The following FAM135B variants were observed in gnomAD, a reference collection of about 807,000 sequenced individuals.
FAM135B encodes protein FAM135B.
In FAM135B, 43 loss-of-function variants were observed where a neutral mutation model predicts 127.7. The observed-to-expected ratio is 0.34, with a 90% CI of 0.26 to 0.43. FAM135B has a LOEUF of 0.43. FAM135B is among the 20% of genes least tolerant of loss of function. FAM135B has a pLI of 1.00. For missense variants in FAM135B, 1,558 were observed against 1,725.6 expected, an observed-to-expected ratio of 0.90 and a Z score of 1.72; for synonymous variants, 670 against 665.1, an observed-to-expected ratio of 1.01 and a Z score of -0.11.
At chr8:138,391,737 T>C (rs987783026) in intron 1 of FAM135B, among the ~76,000 whole-genome samples, 3 of 152,094 alleles carry the variant, frequency 2.0e-5, no homozygotes, top group Admixed American at 2.0e-4. Flanking sequence ...CTAAGGTTTG[T>C]ATATAATTAA....
chr8:138,156,123 G>C (rs987737614), intron 12 of FAM135B, among the ~76,000 whole-genome samples: 1 of 152,148 alleles, frequency 6.6e-6, no homozygotes, highest in Admixed American at 6.5e-5. Flanking sequence ...AATCAAATTA[G>C]AACTCAGGAT....
chr8:138,272,679 T>C (rs754597825), intron 3 of FAM135B, among the ~76,000 whole-genome samples: 1 of 152,248 alleles, frequency 6.6e-6, no homozygotes, highest in Non-Finnish European at 1.5e-5. Context: ...TATTGCTCTA[T>C]AATCTCAAAA....
intron 7 of FAM135B, among the ~76,000 whole-genome samples, chr8:138,209,387 G>A (rs191209913): frequency 6.6e-6 from 1 of 152,290 alleles, no homozygotes; most frequent in East Asian, 1.9e-4. Context: ...GATCTTGAAG[G>A]CATAGGTAGA....
At chr8:138,251,940 G>A (rs941876461) in intron 5 of FAM135B, among the ~76,000 whole-genome samples, 3 of 152,162 alleles carry the variant, frequency 2.0e-5, no homozygotes, top group Admixed American at 6.5e-5. Flanking sequence ...CAGAAAGGGC[G>A]AGATGAAGGG....
intron 1 of FAM135B, among the ~76,000 whole-genome samples, chr8:138,431,903 TAAG>T (rs1316834743): frequency 3.3e-5 from 5 of 152,192 alleles, no homozygotes; most frequent in African/African-American, 1.2e-4. Context: ...AGGCCACTCC[TAAG>T]AATGCCTCTC....
intron 1 of FAM135B, among the ~76,000 whole-genome samples, chr8:138,401,846 C>T (rs879821773): frequency 1.3e-5 from 2 of 152,174 alleles, no homozygotes; most frequent in Non-Finnish European, 2.9e-5. Context: ...TTTCTGAGAA[C>T]GGTCTGGCTT....
At chr8:138,194,861 T>C (rs1261525838) in intron 9 of FAM135B, among the ~76,000 whole-genome samples, 2 of 152,208 alleles carry the variant, frequency 1.3e-5, no homozygotes, top group Non-Finnish European at 2.9e-5. Context: ...ACTGTTTTCA[T>C]GATCATCACT....
chr8:138,336,600 T>G (rs1316864433), intron 2 of FAM135B, among the ~76,000 whole-genome samples: 1 of 152,088 alleles, frequency 6.6e-6, no homozygotes, highest in Non-Finnish European at 1.5e-5. Context: ...GGCTCTCAAA[T>G]TGAGGCAATA....
At chr8:138,375,745 T>G (rs1587280197) in intron 1 of FAM135B, among the ~76,000 whole-genome samples, 1 of 152,314 alleles carries the variant, frequency 6.6e-6, no homozygotes, top group African/African-American at 2.4e-5. Context: ...TTCATCATCA[T>G]TATCCAGAAT....
chr8:138,446,839 A>C (rs1383075174), intron 1 of FAM135B, among the ~76,000 whole-genome samples: 1 of 151,830 alleles, frequency 6.6e-6, no homozygotes, highest in Non-Finnish European at 1.5e-5. Flanking sequence ...TCTGCACAGC[A>C]AAAGAAACTA....
chr8:138,208,791 G>T lies in FAM135B; in HGVS notation c.670-11122C>A, dbSNP rs144541269. ...GAATTTCATATGAATCCTTCCACTG[G>T]TGTACTTAAGTGATATTTTATTTAG... On this transcript the variant is annotated intron_variant, in intron 7 of 19. Coordinates refer to ENST00000395297, the MANE Select transcript of FAM135B (RefSeq NM_015912.4). Among the ~76,000 whole-genome samples the T allele has an allele frequency of 6.8e-3, 1,028 of 152,148 alleles. 10 individuals are homozygous for T. The highest frequency in any genetic ancestry group is 7.4e-3 in the Non-Finnish European group (505 of 67,998).
At chr8:138,423,600 A>T (rs1459266518) in intron 1 of FAM135B, among the ~76,000 whole-genome samples, 2 of 152,164 alleles carry the variant, frequency 1.3e-5, no homozygotes, top group African/African-American at 4.8e-5. Flanking sequence ...AGATAATAGA[A>T]TATCACAAGG....
intron 1 of FAM135B, among the ~76,000 whole-genome samples, chr8:138,377,999 C>T (rs1229851395): frequency 1.3e-5 from 2 of 152,210 alleles, no homozygotes; most frequent in Non-Finnish European, 2.9e-5. Context: ...ATCCCCTAAG[C>T]ACTCTTTCTT....
At chr8:138,218,027 C>T (rs964361753) in intron 7 of FAM135B, among the ~76,000 whole-genome samples, 1 of 152,144 alleles carries the variant, frequency 6.6e-6, no homozygotes, top group South Asian at 2.1e-4. Flanking sequence ...ATATTTAACT[C>T]CCACCTCTTC....
intron 12 of FAM135B, among the ~76,000 whole-genome samples, chr8:138,153,948 C>A (rs1818437458): frequency 6.6e-6 from 1 of 152,182 alleles, no homozygotes; most frequent in Admixed American, 6.5e-5. Context: ...GTGGTTCTCC[C>A]AGCACGGAGT....
At chr8:138,387,258 T>G (rs1832274123) in intron 1 of FAM135B, among the ~76,000 whole-genome samples, 1 of 152,304 alleles carries the variant, frequency 6.6e-6, no homozygotes, top group Middle Eastern at 3.4e-3. Context: ...TCTTAAGTCC[T>G]GGCTCTAAAG....
chr8:138,262,902 A>AG (rs1465846839), intron 4 of FAM135B, among the ~76,000 whole-genome samples: 4 of 89,312 alleles, frequency 4.5e-5, no homozygotes, highest in African/African-American at 1.2e-4. Context: ...ACTCTGTCTC[A>AG]GAAAAAAAAA....
intron 2 of FAM135B, among the ~76,000 whole-genome samples, chr8:138,349,689 G>T (rs1475673309): frequency 1.3e-5 from 2 of 152,322 alleles, no homozygotes; most frequent in East Asian, 3.9e-4. Context: ...GAATACTTAT[G>T]TGTGAGGATA....
At chr8:138,381,943 A>G (rs1402081127) in intron 1 of FAM135B, among the ~76,000 whole-genome samples, 2 of 152,074 alleles carry the variant, frequency 1.3e-5, no homozygotes, top group Non-Finnish European at 2.9e-5. Context: ...TGATGCCACA[A>G]CATAAACAGG....
Sources: allele counts gnomAD v4.1 joint callset (sites outside exome capture counted in the v4.1 genomes callset), GRCh38; gene constraint gnomAD v4.1.1; transcripts MANE v1.5; gene names NCBI Gene and HGNC (gene_info 2026-07-23, HGNC 2026-07-21).